APAF1: variants seen among roughly 807,000 people sequenced by gnomAD.
APAF1 encodes apoptotic peptidase activating factor 1.
A neutral mutation model predicts 152.4 loss-of-function variants in APAF1; 91 were observed. That is an observed-to-expected ratio of 0.60 (90% CI 0.50 to 0.71). The LOEUF (loss-of-function observed/expected upper bound fraction) is 0.71, where lower values mean the gene tolerates loss of function less well. APAF1 is among the 30% of genes least tolerant of loss of function. The probability of loss-of-function intolerance (pLI) is 0.00; values close to 1 mark genes in which losing one functional copy is unlikely to be tolerated. For missense variants in APAF1, 1,283 were observed against 1,472.0 expected (o/e 0.87, Z 2.10); for synonymous variants, 484 against 494.1 (o/e 0.98, Z 0.27).
chr12:98,718,321 C>T (rs937897147), intron 22 of APAF1, among the ~76,000 whole-genome samples: 3 of 152,130 alleles, frequency 2.0e-5, no homozygotes, highest in African/African-American at 7.2e-5. Context: ...AAACCTCCAC[C>T]TCCGAGGTTC....
At chr12:98,687,260 G>A (rs146140531) in intron 16 of APAF1, among the ~76,000 whole-genome samples, 12,724 of 151,860 alleles carry the variant, frequency 0.084, 719 homozygotes, top group East Asian at 0.24. Flanking sequence ...CTACTTGGGA[G>A]GCTGAGGCAG....
chr12:98,697,457 A>C (rs1004079076), intron 16 of APAF1, among the ~76,000 whole-genome samples: 1 of 152,248 alleles, frequency 6.6e-6, no homozygotes, highest in Non-Finnish European at 1.5e-5. Context: ...AATGTGTTAA[A>C]GATGATAAAC....
intron 7 of APAF1, 91 bp downstream of exon 7, chr12:98,662,897 C>A: frequency 7.8e-7 from 1 of 1,289,846 alleles, no homozygotes; most frequent in Non-Finnish European, 1.1e-6. Context: ...TAATTTAGCA[C>A]ATGAACATCC....
At chr12:98,682,053 T>A (rs1209305877) in intron 14 of APAF1, among the ~76,000 whole-genome samples, 1 of 127,404 alleles carries the variant, frequency 7.8e-6, no homozygotes, top group Non-Finnish European at 1.6e-5. Context: ...AATTTTTTTG[T>A]TTTTTTTTTT....
rs1793112007 is a variant in APAF1 at position 98,648,611 on chromosome 12, C to G, written c.139-15C>G. On this transcript the variant is annotated splice_polypyrimidine_tract_variant and intron_variant, in intron 2 of 26. Coordinates refer to ENST00000551964, the MANE Select transcript of APAF1 (RefSeq NM_181861.2). ...ATATTCATTGTTGTATACTAAACTACTTAATTTTTTTTAGCCCACTCAACA... is the reference window on the plus strand; with the variant it reads ...ATATTCATTGTTGTATACTAAACTAGTTAATTTTTTTTAGCCCACTCAACA... The G allele has an allele frequency of 6.2e-7, 1 of 1,612,862 alleles. No individual in the cohort carries two copies. The highest frequency in any genetic ancestry group is 8.5e-7 in the Non-Finnish European group (1 of 1,179,608).
At position 98,733,184 on chromosome 12, in the gene APAF1, G is replaced by A. The variant is rs2097764719; in HGVS notation, c.*618G>A. 6.5e-6 allele frequency: 1 copy of A among 153,636 alleles called. No individual in the cohort carries two copies. The highest frequency in any genetic ancestry group is 1.4e-5 in the Non-Finnish European group (1 of 69,292). 9.5% of individuals were successfully genotyped at this position (153,636 alleles called of 1,614,324 possible). Reference sequence around the variant, plus strand: ...AGAGTCTTGCTTTGTTGCCAGGCTGGAGTGCAGTGGCGCGATCTCGGCTCA... The same window carrying A: ...AGAGTCTTGCTTTGTTGCCAGGCTGAAGTGCAGTGGCGCGATCTCGGCTCA... On this transcript the variant is annotated 3_prime_UTR_variant, in exon 27 of 27. Coordinates refer to ENST00000551964, the MANE Select transcript of APAF1 (RefSeq NM_181861.2).
chr12:98,648,692 G>GTATCAT lies in APAF1; in HGVS notation c.207_212dup (p.Ser70_Phe71insLeuSer). ...ACTTAAAAAAGATAATGATTCCTAC[G>GTATCAT]TATCATTCTACAATGCTCTACTACA... is the stretch of plus-strand genomic sequence containing the variant. On this transcript the variant is annotated inframe_insertion, in exon 3 of 27. Transcript: ENST00000551964. 6.2e-7 allele frequency: 1 copy of GTATCAT among 1,613,708 alleles called. No individual in the cohort carries two copies. Among genetic ancestry groups the GTATCAT allele is most frequent in the Non-Finnish European group, 8.5e-7 (1 of 1,179,798 alleles).
At chr12:98,689,204 C>T (rs948187851) in intron 16 of APAF1, among the ~76,000 whole-genome samples, 6 of 152,150 alleles carry the variant, frequency 3.9e-5, no homozygotes, top group Admixed American at 6.5e-5. Flanking sequence ...CTTCACCTTC[C>T]GTCATTCTGC....
intron 16 of APAF1, among the ~76,000 whole-genome samples, chr12:98,688,640 T>TTTC (rs1491019284): frequency 0.12 from 4,730 of 38,330 alleles, 229 homozygotes; most frequent in African/African-American, 0.25. Flanking sequence ...CTGGCGAAAT[T>TTTC]TTTTTTTTTT....
At chr12:98,656,211 AG>A in intron 4 of APAF1, among the ~76,000 whole-genome samples, 1 of 152,230 alleles carries the variant, frequency 6.6e-6, no homozygotes. Flanking sequence ...CCACCGTGCC[AG>A]GCTCTAAATT....
Position 98,727,334 on chromosome 12 carries a change from A to G in APAF1, c.3600+18A>G. The G allele has an allele frequency of 2.5e-6, 4 of 1,613,570 alleles. No individual in the cohort carries two copies. Among genetic ancestry groups the G allele is most frequent in the Non-Finnish European group, 3.4e-6 (4 of 1,179,646 alleles). ...ATATTAAGGTAAGAGTTCCCCAAGA[A>G]CTGTGAAAGAAAATAATAGCCTATA... On this transcript the variant is annotated intron_variant, in intron 26 of 26. Transcript: ENST00000551964.
At chr12:98,670,444 GT>G (rs1229003518) in intron 10 of APAF1, among the ~76,000 whole-genome samples, 1 of 151,434 alleles carries the variant, frequency 6.6e-6, no homozygotes, top group Admixed American at 6.6e-5. Context: ...TTTTCTTACT[GT>G]TTTATTAGAA....
intron 18 of APAF1, 126 bp from the exon 19 acceptor site, chr12:98,706,359 A>G (rs1450085003): frequency 4.3e-6 from 4 of 927,218 alleles, no homozygotes; most frequent in South Asian, 4.0e-5. Context: ...TGTAGTTTTG[A>G]TAGTGTGTTT....
chr12:98,731,881 G>A (rs1593140271), intron 26 of APAF1, among the ~76,000 whole-genome samples: 1 of 152,310 alleles, frequency 6.6e-6, no homozygotes, highest in Non-Finnish European at 1.5e-5. Context: ...TATTTGTTTA[G>A]TAAATAAATA....
chr12:98,683,107 A>G, intron 14 of APAF1, 36 bp from the exon 15 acceptor site: 1 of 1,560,944 alleles, frequency 6.4e-7, no homozygotes, highest in Non-Finnish European at 8.8e-7. Flanking sequence ...TTTGAAAATA[A>G]TGGATATTTG....
intron 21 of APAF1, among the ~76,000 whole-genome samples, chr12:98,714,312 T>C (rs1179805585): frequency 6.6e-6 from 1 of 152,224 alleles, no homozygotes; most frequent in Non-Finnish European, 1.5e-5. Context: ...AAATAATACA[T>C]AATGAACCAT....
At chr12:98,697,884 G>C (rs1189393277) in intron 16 of APAF1, among the ~76,000 whole-genome samples, 2 of 152,200 alleles carry the variant, frequency 1.3e-5, no homozygotes, top group Non-Finnish European at 2.9e-5. Flanking sequence ...GTATCATGTT[G>C]ATAAGCATGT....
chr12:98,649,357 C>A (rs2097646126), intron 3 of APAF1, 130 bp from the exon 4 acceptor site: 1 of 1,321,110 alleles, frequency 7.6e-7, no homozygotes, highest in Non-Finnish European at 1.0e-6. Context: ...AATATGCTAG[C>A]CACATTTTCT....
intron 21 of APAF1, chr12:98,712,763 C>T (rs2097729422): frequency 3.5e-6 from 1 of 283,072 alleles, no homozygotes; most frequent in Non-Finnish European, 6.8e-6. Context: ...ATTGTCCGGC[C>T]TCAGCCTCCC....
Sources: allele counts gnomAD v4.1 joint callset (sites outside exome capture counted in the v4.1 genomes callset), GRCh38; gene constraint gnomAD v4.1.1; transcripts MANE v1.5; gene names NCBI Gene and HGNC (gene_info 2026-07-23, HGNC 2026-07-21).